Variants in MYO5A observed in about 807,000 individuals in gnomAD.
The protein encoded by MYO5A is unconventional myosin-Va.
A neutral mutation model predicts 249.7 loss-of-function variants in MYO5A; 98 were observed. The ratio of observed to expected loss-of-function variants is 0.39; its 90% confidence interval spans 0.33 to 0.46. The LOEUF is 0.46. Among genes scored for constraint, MYO5A ranks in the 20% least tolerant of loss-of-function variants. The pLI, the probability that MYO5A is intolerant of heterozygous loss-of-function variation, is 0.98. For synonymous variants in MYO5A, 778 were observed against 810.6 expected (o/e 0.96, Z 0.68); for missense variants, 1,696 against 2,308.8 (o/e 0.73, Z 5.44).
chr15:52,465,022 A>G (rs1412087223), intron 1 of MYO5A, among the ~76,000 whole-genome samples: 1 of 152,218 alleles, frequency 6.6e-6, no homozygotes, highest in Non-Finnish European at 1.5e-5. Flanking sequence ...ACCTAAGGGC[A>G]GGGGCAAGGA....
At chr15:52,500,688 T>C (rs1363204223) in intron 1 of MYO5A, among the ~76,000 whole-genome samples, 2 of 152,144 alleles carry the variant, frequency 1.3e-5, no homozygotes, top group African/African-American at 4.8e-5. Flanking sequence ...TAGGGTTCTT[T>C]GGTTGTTTGT....
intron 4 of MYO5A, among the ~76,000 whole-genome samples, chr15:52,425,119 A>G (rs1329088062): frequency 6.6e-6 from 1 of 152,174 alleles, no homozygotes; most frequent in Non-Finnish European, 1.5e-5. Flanking sequence ...TTTCCTTTAG[A>G]TTTAATTCCC....
intron 39 of MYO5A, among the ~76,000 whole-genome samples, chr15:52,318,786 C>G (rs1347651764): frequency 6.6e-6 from 1 of 152,200 alleles, no homozygotes; most frequent in African/African-American, 2.4e-5. Flanking sequence ...TCTCTTCACT[C>G]CCCCAAATAA....
chr15:52,461,797 C>T (rs560745038), intron 1 of MYO5A, among the ~76,000 whole-genome samples: 1 of 151,646 alleles, frequency 6.6e-6, no homozygotes, highest in Admixed American at 6.6e-5. Context: ...CCCGTCTCTA[C>T]TACAAATACA....
intron 16 of MYO5A, 53 bp downstream of exon 16, chr15:52,383,038 G>T: frequency 1.4e-6 from 2 of 1,435,834 alleles, no homozygotes; most frequent in South Asian, 1.1e-5. Flanking sequence ...TGGCTGGTTT[G>T]GCACTTCTTA....
At chr15:52,392,450 C>T (rs1595584106) in intron 11 of MYO5A, among the ~76,000 whole-genome samples, 1 of 152,200 alleles carries the variant, frequency 6.6e-6, no homozygotes, top group Non-Finnish European at 1.5e-5. Flanking sequence ...TGTTGATGCC[C>T]TCCAGGCTAC....
intron 1 of MYO5A, chr15:52,435,789 G>C (rs1056767748): frequency 3.9e-5 from 15 of 386,862 alleles, no homozygotes; most frequent in African/African-American, 3.2e-4. Flanking sequence ...CAGACAAGTA[G>C]AGGCTAAAGC....
chr15:52,476,692 CT>C (rs1308007263), intron 1 of MYO5A, among the ~76,000 whole-genome samples: 7 of 152,272 alleles, frequency 4.6e-5, no homozygotes, highest in African/African-American at 1.7e-4. Context: ...CTTGAAAATT[CT>C]TTTCTTTAAG....
At chr15:52,443,017 C>G (rs1329060769) in intron 1 of MYO5A, among the ~76,000 whole-genome samples, 1 of 152,160 alleles carries the variant, frequency 6.6e-6, no homozygotes, top group Non-Finnish European at 1.5e-5. Flanking sequence ...TCCCAAAGTG[C>G]TGGGATTACA....
At chr15:52,492,592 G>T (rs2076956166) in intron 1 of MYO5A, among the ~76,000 whole-genome samples, 1 of 152,160 alleles carries the variant, frequency 6.6e-6, no homozygotes, top group Admixed American at 6.5e-5. Context: ...TACTAGTTAG[G>T]GTGGTTGAGA....
chr15:52,460,287 AAGGCAGGCGGCTGGG>A (rs2076219529), intron 1 of MYO5A, among the ~76,000 whole-genome samples: 1 of 152,202 alleles, frequency 6.6e-6, no homozygotes. Context: ...TTAGGAGGCC[AAGGCAGGCGGCTGGG>A]AGGTGGAGGT....
At chr15:52,490,263 G>A (rs1375316656) in intron 1 of MYO5A, among the ~76,000 whole-genome samples, 1 of 152,084 alleles carries the variant, frequency 6.6e-6, no homozygotes, top group East Asian at 1.9e-4. Flanking sequence ...TTGAAAGCAA[G>A]GTCTCAAAGA....
chr15:52,428,116 A>G (rs1190893864), intron 3 of MYO5A, among the ~76,000 whole-genome samples: 1 of 152,244 alleles, frequency 6.6e-6, no homozygotes, highest in Non-Finnish European at 1.5e-5. Context: ...GAAGAAAACA[A>G]CTGGTGAATT....
chr15:52,526,564 T>TTGGTCAAGA lies in MYO5A; in HGVS notation c.27+2207_27+2215dup, dbSNP rs576760352. ...TTAGTAGAGACGGGGTTTTGCCATGTTGGTCAAGATGGTCTCGAACTCCTG... is the reference window on the plus strand; with the variant it reads ...TTAGTAGAGACGGGGTTTTGCCATGTTGGTCAAGATGGTCAAGATGGTCTCGAACTCCTG... On this transcript the variant is annotated intron_variant, in intron 1 of 41. Transcript: ENST00000399233. Among the ~76,000 whole-genome samples the TTGGTCAAGA allele has an allele frequency of 3.9e-5, 6 of 152,288 alleles. No homozygotes were observed. In the South Asian group the frequency reaches 1.2e-3, roughly 32 times the overall value.
chr15:52,484,720 C>A (rs1002344550), intron 1 of MYO5A, among the ~76,000 whole-genome samples: 1 of 152,160 alleles, frequency 6.6e-6, no homozygotes, highest in Non-Finnish European at 1.5e-5. Flanking sequence ...TCTCGGCTCA[C>A]TGCAACCTCT....
chr15:52,434,557 T>C (rs2075619995), intron 1 of MYO5A, among the ~76,000 whole-genome samples: 1 of 152,128 alleles, frequency 6.6e-6, no homozygotes, highest in Admixed American at 6.5e-5. Context: ...AAAGGCATGG[T>C]AATCATCAGG....
At chr15:52,366,175 G>A (rs10518684) in intron 23 of MYO5A, among the ~76,000 whole-genome samples, 7,595 of 151,982 alleles carry the variant, frequency 0.05, 261 homozygotes, top group East Asian at 0.19. Flanking sequence ...CCATGTTGAG[G>A]TCCTAGCTGA....
chr15:52,491,137 A>G (rs929205280), intron 1 of MYO5A, among the ~76,000 whole-genome samples: 1 of 152,240 alleles, frequency 6.6e-6, no homozygotes, highest in Admixed American at 6.5e-5. Context: ...ATTTAAGTAT[A>G]CATTTACATT....
chr15:52,492,773 G>A (rs1341037487), intron 1 of MYO5A, among the ~76,000 whole-genome samples: 1 of 152,194 alleles, frequency 6.6e-6, no homozygotes, highest in Non-Finnish European at 1.5e-5. Context: ...AACATGGAAA[G>A]GCAAAATGAG....
Sources: gnomAD v4.1 joint callset for allele counts (sites outside exome capture counted in the v4.1 genomes callset) on GRCh38, gnomAD v4.1.1 for gene constraint, MANE v1.5 for transcripts, NCBI Gene and HGNC (gene_info 2026-07-23, HGNC 2026-07-21) for gene names.